The following KCTD1 variants were observed in gnomAD, a reference collection of about 807,000 sequenced individuals.
KCTD1 encodes potassium channel tetramerization domain containing 1.
Under a neutral mutation model 66.0 loss-of-function variants are expected in KCTD1, and 24 were observed. The observed-to-expected ratio is 0.36, with a 90% CI of 0.26 to 0.51. The LOEUF is 0.51. Ranked by LOEUF, KCTD1 falls within the 20% of genes least tolerant of loss-of-function variation. The probability of loss-of-function intolerance (pLI) is 0.95; values close to 1 mark genes in which losing one functional copy is unlikely to be tolerated. For synonymous variants in KCTD1, 511 were observed against 517.2 expected, an observed-to-expected ratio of 0.99 and a Z score of 0.16; for missense variants, 943 against 1,205.2, an observed-to-expected ratio of 0.78 and a Z score of 3.22.
rs1039316794 is a variant in KCTD1, at chr18:26,548,447, C to T, written c.90G>A (p.Glu30=). The T allele has an allele frequency of 8.9e-6, 12 of 1,354,600 alleles. No homozygotes were observed. In the African/African-American group the frequency reaches 1.5e-4, roughly 17 times the overall value. The allele number at this position is 1,354,600 out of a possible 1,614,324, so 83.9% of individuals were successfully genotyped here. ...CCGCGCCGCGCTCGCCCTCGCCCCG[C>T]TCCCCATTGTTCTCGGCGGCGGCGG... ...AAAAAAENNG[E]RGEGERGAGG... Residue 30 remains glutamate (E), a synonymous_variant, in exon 1 of 5, where the codon GAG becomes GAA. Coordinates refer to ENST00000580059, the MANE Select transcript of KCTD1 (RefSeq NM_001142730.3).
intron 4 of KCTD1, chr18:26,457,839 T>C (rs569239217): frequency 6.6e-6 from 1 of 152,374 alleles, no homozygotes; most frequent in South Asian, 2.1e-4. Context: ...GGGTAGGTCA[T>C]GGCTGTGTCA....
At chr18:26,461,402 G>A (rs1455989142) in intron 3 of KCTD1, among the ~76,000 whole-genome samples, 1 of 152,176 alleles carries the variant, frequency 6.6e-6, no homozygotes, top group Non-Finnish European at 1.5e-5. Context: ...CAGGAGTCTT[G>A]GTTCCCTGCA....
intron 1 of KCTD1, among the ~76,000 whole-genome samples, chr18:26,624,448 C>A (rs62085525): frequency 0.055 from 8,385 of 152,280 alleles, 254 homozygotes; most frequent in East Asian, 0.087. Flanking sequence ...TGCATCCCAG[C>A]TGCTTCAGCT....
chr18:26,641,866 A>T (rs76928458), upstream of KCTD1, among the ~76,000 whole-genome samples: 4,556 of 152,284 alleles, frequency 0.03, 107 homozygotes, highest in African/African-American at 0.062. Context: ...ATTTAGAGCC[A>T]GAAGGAATCT....
exon 1 of KCTD1, chr18:26,629,154 G>T: frequency 2.0e-6 from 2 of 984,578 alleles, no homozygotes; most frequent in Non-Finnish European, 2.4e-6. Context: ...TACTTTTGGT[G>T]ATGGATTTGC....
chr18:26,586,534 T>G, intron 1 of KCTD1, among the ~76,000 whole-genome samples: 1 of 152,118 alleles, frequency 6.6e-6, no homozygotes, highest in Non-Finnish European at 1.5e-5. Flanking sequence ...CATGTCTAAA[T>G]AAAAAACTAG....
At chr18:26,627,468 G>C (rs1396881552) in intron 1 of KCTD1, among the ~76,000 whole-genome samples, 1 of 152,058 alleles carries the variant, frequency 6.6e-6, no homozygotes, top group African/African-American at 2.4e-5. Context: ...ATTGTCATAT[G>C]GCTCAACACA....
At chr18:26,499,906 A>G (rs1982667906) in intron 2 of KCTD1, among the ~76,000 whole-genome samples, 3 of 152,238 alleles carry the variant, frequency 2.0e-5, no homozygotes, top group Admixed American at 2.0e-4. Flanking sequence ...GGATCTGGAC[A>G]TAGCCCCCAA....
rs1045627954 is a variant in KCTD1 at position 26,455,001 on chromosome 18, T to TTAA, written c.*739_*741dup. On this transcript the variant is annotated 3_prime_UTR_variant, in exon 5 of 5. Transcript: ENST00000580059. ...ATTTTTTAAACAGAGTTTATTGTAT[T>TTAA]TAATACATTATAAAATTTGAAAAAT... 1 of 152,806 alleles carries TTAA rather than the reference T, an allele frequency of 6.5e-6. No individual in the cohort carries two copies. The highest frequency in any genetic ancestry group is 1.5e-5 in the Non-Finnish European group (1 of 68,044). 9.5% of individuals were successfully genotyped at this position (152,806 alleles called of 1,614,324 possible). A position where few individuals can be genotyped will look rare whatever the true frequency, so the allele number is the denominator to read the frequency against.
intron 1 of KCTD1, among the ~76,000 whole-genome samples, chr18:26,577,395 C>T (rs1291321204): frequency 6.6e-6 from 1 of 152,124 alleles, no homozygotes; most frequent in South Asian, 2.1e-4. Context: ...TCAATCAATT[C>T]TTTTCAGGGT....
At position 26,501,264 on chromosome 18, in the gene KCTD1, A is replaced by C. The variant is rs758796435; in HGVS notation, c.1810-14T>G. On this transcript the variant is annotated splice_polypyrimidine_tract_variant and intron_variant, in intron 1 of 4. Coordinates refer to ENST00000580059, the MANE Select transcript of KCTD1 (RefSeq NM_001142730.3). ...GGGCCGACTGTCCTACAGAGAGATA[A>C]GCAAGTTTAGATACTTTTTCTCTTT... 7 of 1,609,002 alleles carry C rather than the reference A, an allele frequency of 4.4e-6. No homozygotes were observed. In the Admixed American group the frequency reaches 1.2e-4, roughly 27 times the overall value.
At chr18:26,494,930 G>A (rs1167746824) in intron 2 of KCTD1, among the ~76,000 whole-genome samples, 3 of 151,964 alleles carry the variant, frequency 2.0e-5, no homozygotes, top group South Asian at 2.1e-4. Flanking sequence ...ACTACATAAC[G>A]AAGGTTGATT....
chr18:26,558,303 A>T (rs1012294116), intron 1 of KCTD1, among the ~76,000 whole-genome samples: 3 of 152,228 alleles, frequency 2.0e-5, no homozygotes, highest in African/African-American at 7.2e-5. Flanking sequence ...GACAGGCAAT[A>T]ACAAATGCTG....
At chr18:26,507,241 G>A (rs888062704) in intron 1 of KCTD1, among the ~76,000 whole-genome samples, 1 of 152,236 alleles carries the variant, frequency 6.6e-6, no homozygotes, top group African/African-American at 2.4e-5. Flanking sequence ...ATTTTGGACA[G>A]TGTAGTAACT....
chr18:26,647,539 A>AAAAAAAAAAAAAAAAG (rs1987953274), intron 1 of KCTD1, among the ~76,000 whole-genome samples: 1 of 143,280 alleles, frequency 7.0e-6, no homozygotes, highest in Non-Finnish European at 1.5e-5. Flanking sequence ...AAAAAAAAAA[A>AAAAAAAAAAAAAAAAG]AAAAAAAAAA....
chr18:26,654,208 T>C (rs1040599674), intron 1 of KCTD1, among the ~76,000 whole-genome samples: 5 of 152,354 alleles, frequency 3.3e-5, no homozygotes, highest in African/African-American at 1.2e-4. Flanking sequence ...CATCTGTCAC[T>C]AATTACTCTT....
Position 26,657,015 on chromosome 18 carries a change from C to CGAGATCCGGAACCCGGCCCA in KCTD1, c.9+325_9+344dup, listed in dbSNP as rs1274991120. Among the ~76,000 whole-genome samples, 105 of 150,510 alleles carry CGAGATCCGGAACCCGGCCCA rather than the reference C, an allele frequency of 7.0e-4. 2 individuals carry two copies. In the East Asian group the frequency reaches 0.015, roughly 22 times the overall value. On this transcript the variant is annotated intron_variant, in intron 1 of 4. Transcript: ENST00000580191. ...TCCCAGAGCCACGGCGGCTCCTCTCCGAGATCCGGAACCCGGCCCAGAGAT... is the reference window on the plus strand; with the variant it reads ...TCCCAGAGCCACGGCGGCTCCTCTCCGAGATCCGGAACCCGGCCCAGAGATCCGGAACCCGGCCCAGAGAT...
chr18:26,562,393 G>A (rs535233989), intron 1 of KCTD1, among the ~76,000 whole-genome samples: 16 of 125,350 alleles, frequency 1.3e-4, no homozygotes, highest in Admixed American at 5.1e-4. Flanking sequence ...CACCATGCTC[G>A]GCTAATTTTT....
At chr18:26,486,284 G>C (rs1598890061) in intron 2 of KCTD1, among the ~76,000 whole-genome samples, 1 of 152,150 alleles carries the variant, frequency 6.6e-6, no homozygotes, top group South Asian at 2.1e-4. Flanking sequence ...TAGAGCCATC[G>C]AGTAACTTGC....
Sources: allele counts gnomAD v4.1 joint callset (sites outside exome capture counted in the v4.1 genomes callset), GRCh38; gene constraint gnomAD v4.1.1; transcripts MANE v1.5; gene names NCBI Gene and HGNC (gene_info 2026-07-23, HGNC 2026-07-21).